KAZN: variants seen among roughly 807,000 people sequenced by gnomAD.
KAZN encodes the protein kazrin.
In KAZN, 40 loss-of-function variants were observed where a neutral mutation model predicts 87.4. The observed-to-expected ratio is 0.46, with a 90% CI of 0.36 to 0.60. KAZN has a LOEUF of 0.60. Ranked by LOEUF, KAZN falls within the 20% of genes least tolerant of loss-of-function variation. The pLI is 0.00. For synonymous variants in KAZN, 466 were observed against 458.3 expected, an observed-to-expected ratio of 1.02 and a Z score of -0.22; for missense variants, 898 against 1,073.9, an observed-to-expected ratio of 0.84 and a Z score of 2.29.
At chr1:14,476,172 T>C (rs1429800777) in intron 2 of KAZN, among the ~76,000 whole-genome samples, 5 of 152,204 alleles carry the variant, frequency 3.3e-5, no homozygotes, top group African/African-American at 1.2e-4. Flanking sequence ...CTCTCTACTA[T>C]TTCCCTAGGC....
intron 2 of KAZN, among the ~76,000 whole-genome samples, chr1:14,495,249 C>A (rs1669875488): frequency 6.6e-6 from 1 of 152,124 alleles, no homozygotes; most frequent in Non-Finnish European, 1.5e-5. Context: ...AATCAATAGA[C>A]AATTTTACCC....
At chr1:14,955,891 T>A (rs1663032214) in intron 1 of KAZN, among the ~76,000 whole-genome samples, 1 of 152,168 alleles carries the variant, frequency 6.6e-6, no homozygotes, top group Non-Finnish European at 1.5e-5. Context: ...GGTGTCAAAA[T>A]CCCCGTGAGA....
At chr1:14,663,375 A>G (rs1639317560) in intron 1 of KAZN, among the ~76,000 whole-genome samples, 1 of 152,208 alleles carries the variant, frequency 6.6e-6, no homozygotes, top group Non-Finnish European at 1.5e-5. Flanking sequence ...CACACAGGCA[A>G]GAGAGGGAGA....
chr1:14,793,269 C>T lies in KAZN; in HGVS notation c.227-167415C>T, dbSNP rs557541287. On this transcript the variant is annotated intron_variant, in intron 1 of 14. Transcript: ENST00000376030. ...CCGGGGGTAGCCTGGCTTTGCTAGA[C>T]CAAGGAAAGAGAGGATTGAGAGAGG... Among the ~76,000 whole-genome samples, 4 of 152,222 alleles carry T rather than the reference C, an allele frequency of 2.6e-5. No homozygotes were observed. The South Asian group carries it at 6.2e-4, about 24-fold the overall frequency.
chr1:13,932,293 C>T lies in KAZN; in HGVS notation c.91+38537C>T, dbSNP rs1253265376. ...TTTTTTTTTTTGAGACGGAGTCTCG[C>T]TCTGTCGCCCAGGCTGGAGTGCAGT... is the stretch of plus-strand genomic sequence containing the variant. On this transcript the variant is annotated intron_variant, in intron 1 of 16. Coordinates refer to the KAZN transcript ENST00000636203. Among the ~76,000 whole-genome samples, 3 of 142,748 alleles carry T rather than the reference C, an allele frequency of 2.1e-5. No homozygotes were observed. The East Asian group carries it at 6.2e-4, about 30-fold the overall frequency. The allele number at this position is 142,748 out of a possible 152,430, so 93.6% of individuals were successfully genotyped here.
chr1:15,087,149 A>G (rs755709600), intron 8 of KAZN, among the ~76,000 whole-genome samples: 2 of 152,234 alleles, frequency 1.3e-5, no homozygotes, highest in African/African-American at 2.4e-5. Flanking sequence ...ATAATCTTCC[A>G]TCCAGACCAG....
chr1:13,919,856 A>G (rs1231125475), intron 1 of KAZN, among the ~76,000 whole-genome samples: 1 of 152,196 alleles, frequency 6.6e-6, no homozygotes, highest in Non-Finnish European at 1.5e-5. Flanking sequence ...CACCCAGCCT[A>G]TGTTATCTTT....
At chr1:14,362,986 G>T (rs35095692) in intron 2 of KAZN, among the ~76,000 whole-genome samples, 16,925 of 152,126 alleles carry the variant, frequency 0.11, 1,100 homozygotes, top group East Asian at 0.25. Flanking sequence ...TTTGGATCCT[G>T]TCTCCTAGCC....
chr1:14,660,527 T>TTCTCTCTC (rs35829534), intron 1 of KAZN, among the ~76,000 whole-genome samples: 2 of 120,018 alleles, frequency 1.7e-5, no homozygotes, highest in African/African-American at 7.6e-5. Context: ...CTCTCCAAGT[T>TTCTCTCTC]TCTCTCTCTC....
chr1:14,759,268 C>T (rs1002322721), intron 1 of KAZN, among the ~76,000 whole-genome samples: 4 of 152,140 alleles, frequency 2.6e-5, no homozygotes, highest in Non-Finnish European at 4.4e-5. Flanking sequence ...AGCTTGTCAC[C>T]GTGAGAGCAT....
chr1:14,629,742 T>C lies in KAZN; in HGVS notation c.226+30519T>C, dbSNP rs1490923125. 2.0e-5 allele frequency among the ~76,000 whole-genome samples: 3 copies of C among 152,062 alleles called. No individual in the cohort carries two copies. In the East Asian group the frequency reaches 5.8e-4, roughly 29 times the overall value. ...GTTGGGTCGCATGCCCACCTCTGAG[T>C]CAGGCACTGAAGAAGGGTGTGGTGG... On this transcript the variant is annotated intron_variant, in intron 1 of 14. Transcript: ENST00000376030.
chr1:14,019,437 G>T (rs7551030), intron 1 of KAZN, among the ~76,000 whole-genome samples: 1 of 152,104 alleles, frequency 6.6e-6, no homozygotes, highest in Non-Finnish European at 1.5e-5. Context: ...GGTATTTATG[G>T]TCACTCTTTT....
At chr1:14,215,018 T>C (rs1028980200) in intron 2 of KAZN, among the ~76,000 whole-genome samples, 3 of 152,270 alleles carry the variant, frequency 2.0e-5, no homozygotes, top group African/African-American at 7.2e-5. Context: ...CATTTAGGTA[T>C]GCAGAAAGAC....
intron 1 of KAZN, among the ~76,000 whole-genome samples, chr1:14,077,531 G>T (rs1643508951): frequency 6.6e-6 from 1 of 152,090 alleles, no homozygotes; most frequent in Admixed American, 6.5e-5. Flanking sequence ...ATTCAATTGG[G>T]GTTGGATTGC....
intron 2 of KAZN, among the ~76,000 whole-genome samples, chr1:14,502,185 C>T (rs919528811): frequency 1.3e-5 from 2 of 151,994 alleles, no homozygotes; most frequent in African/African-American, 4.8e-5. Flanking sequence ...GAATGCCCCT[C>T]GTGGGTCTGT....
At chr1:14,888,172 C>T (rs1232558280) in intron 1 of KAZN, among the ~76,000 whole-genome samples, 1 of 152,180 alleles carries the variant, frequency 6.6e-6, no homozygotes, top group East Asian at 1.9e-4. Context: ...CCACAGTGAG[C>T]GTGCCTCGCC....
intron 1 of KAZN, among the ~76,000 whole-genome samples, chr1:14,759,238 A>C (rs1215998835): frequency 6.6e-6 from 1 of 152,174 alleles, no homozygotes; most frequent in Non-Finnish European, 1.5e-5. Context: ...TTGTTCTGAT[A>C]ATTGATGTGG....
Position 14,178,387 on chromosome 1 carries a change from A to G in KAZN, c.92-2048A>G, listed in dbSNP as rs187435520. Among the ~76,000 whole-genome samples the G allele has an allele frequency of 4.6e-5, 7 of 152,268 alleles. No homozygotes were observed. In the East Asian group the frequency reaches 1.2e-3, roughly 25 times the overall value. ...ATATACGTTAGCTTTATAGACTTACATTGTCACTAATTTTGGATAGTTTTA... is the reference window on the plus strand; with the variant it reads ...ATATACGTTAGCTTTATAGACTTACGTTGTCACTAATTTTGGATAGTTTTA... On this transcript the variant is annotated intron_variant, in intron 1 of 16. Transcript: ENST00000636203.
At chr1:14,745,132 G>A (rs1381854039) in intron 1 of KAZN, among the ~76,000 whole-genome samples, 5 of 152,074 alleles carry the variant, frequency 3.3e-5, no homozygotes, top group Admixed American at 6.6e-5. Flanking sequence ...GACAGATCCT[G>A]ATCTGGACAG....
Sources: allele counts gnomAD v4.1 joint callset (sites outside exome capture counted in the v4.1 genomes callset), GRCh38; gene constraint gnomAD v4.1.1; transcripts MANE v1.5; gene names NCBI Gene and HGNC (gene_info 2026-07-23, HGNC 2026-07-21).